Variants in TRAPPC9 observed in about 807,000 individuals in gnomAD.
The protein encoded by TRAPPC9 is IKK2 binding protein.
Under a neutral mutation model 124.0 loss-of-function variants are expected in TRAPPC9, and 83 were observed. The observed-to-expected ratio is 0.67, with a 90% confidence interval of 0.56 to 0.80. The LOEUF (loss-of-function observed/expected upper bound fraction) is 0.80. Among genes scored for constraint, TRAPPC9 ranks in the 30% least tolerant of loss-of-function variants. The pLI, the probability that TRAPPC9 is intolerant of heterozygous loss-of-function variation, is 0.00. For missense variants in TRAPPC9, 1,302 were observed against 1,508.3 expected, an observed-to-expected ratio of 0.86 and a Z score of 2.27; for synonymous variants, 638 against 617.5, an observed-to-expected ratio of 1.03 and a Z score of -0.49.
At chr8:140,142,485 G>C (rs1311020775) in intron 17 of TRAPPC9, among the ~76,000 whole-genome samples, 1 of 152,236 alleles carries the variant, frequency 6.6e-6, no homozygotes, top group Non-Finnish European at 1.5e-5. Context: ...CATGTGCCCT[G>C]CTCACTGGGA....
At chr8:139,922,129 T>C (rs943564669) in intron 19 of TRAPPC9, among the ~76,000 whole-genome samples, 7 of 152,092 alleles carry the variant, frequency 4.6e-5, no homozygotes, top group African/African-American at 1.7e-4. Context: ...CAATCACATA[T>C]GTTAACTCAT....
intron 17 of TRAPPC9, among the ~76,000 whole-genome samples, chr8:140,205,448 T>C (rs1476459214): frequency 6.6e-6 from 1 of 152,218 alleles, no homozygotes; most frequent in Non-Finnish European, 1.5e-5. Flanking sequence ...TAAATCTCAT[T>C]AACACAGAAT....
intron 20 of TRAPPC9, among the ~76,000 whole-genome samples, chr8:139,895,229 C>T (rs1312536180): frequency 2.6e-5 from 4 of 152,128 alleles, no homozygotes; most frequent in African/African-American, 9.7e-5. Flanking sequence ...GTTGACGAGG[C>T]GGGGGGCACA....
intron 17 of TRAPPC9, among the ~76,000 whole-genome samples, chr8:140,138,717 T>C (rs2061341053): frequency 6.6e-6 from 1 of 152,158 alleles, no homozygotes; most frequent in African/African-American, 2.4e-5. Flanking sequence ...AGATACACAA[T>C]AGCAGGAATG....
At position 139,817,370 on chromosome 8, in the gene TRAPPC9, G is replaced by A. The variant is rs73364123; in HGVS notation, c.3055+68509C>T. On this transcript the variant is annotated intron_variant, in intron 21 of 22. Coordinates refer to ENST00000438773, the MANE Select transcript of TRAPPC9 (RefSeq NM_001160372.4). ...GAATCTTAGAATGCTACTTATGGCA[G>A]TTACATCTCAGGAGTTCCTTTTTCC... 6.1e-3 allele frequency among the ~76,000 whole-genome samples: 926 copies of A among 152,348 alleles called. 11 individuals carry two copies. The highest frequency in any genetic ancestry group is 0.022 in the African/African-American group (898 of 41,582).
rs541953457 is a variant in TRAPPC9 at position 140,341,876 on chromosome 8, C to T, written c.1495+18174G>A. Reference sequence around the variant, plus strand: ...ACAGCAGCTAAGTCTCTCTCCCAAGCTAAGGAGGCGGCCTGGGCCAGACTG... The same window carrying T: ...ACAGCAGCTAAGTCTCTCTCCCAAGTTAAGGAGGCGGCCTGGGCCAGACTG... On this transcript the variant is annotated intron_variant, in intron 9 of 22. Coordinates refer to ENST00000438773, the MANE Select transcript of TRAPPC9 (RefSeq NM_001160372.4). Among the ~76,000 whole-genome samples the T allele has an allele frequency of 5.5e-4, 84 of 152,348 alleles. 1 individual carries two copies. Among genetic ancestry groups the T allele is most frequent in the African/African-American group, 2.0e-3 (82 of 41,584 alleles).
In TRAPPC9 at chr8:139,990,918, G is replaced by A. The variant is rs558342013; in HGVS notation, c.2700-2082C>T. On this transcript the variant is annotated intron_variant, in intron 18 of 22. Coordinates refer to ENST00000438773, the MANE Select transcript of TRAPPC9 (RefSeq NM_001160372.4). ...CACCATTTATATCATGTAGCACAGC[G>A]TCAACAGGGTGCCGCACACCTTGAG... 2.3e-4 allele frequency among the ~76,000 whole-genome samples: 35 copies of A among 152,240 alleles called. 1 individual carries two copies. Among genetic ancestry groups the A allele is most frequent in the Admixed American group, 2.0e-3 (31 of 15,276 alleles).
At chr8:140,404,771 CGT>C (rs1363426144) in intron 6 of TRAPPC9, among the ~76,000 whole-genome samples, 7 of 150,594 alleles carry the variant, frequency 4.6e-5, no homozygotes, top group South Asian at 2.1e-4. Flanking sequence ...CATGTGTGTG[CGT>C]GTGTGAGCAT....
intron 21 of TRAPPC9, among the ~76,000 whole-genome samples, chr8:139,867,200 T>C (rs890983529): frequency 1.3e-5 from 2 of 152,218 alleles, no homozygotes; most frequent in Non-Finnish European, 2.9e-5. Context: ...TCAGGGCTTA[T>C]GTTTGAGATG....
chr8:140,325,085 T>G (rs1215621495), intron 9 of TRAPPC9, among the ~76,000 whole-genome samples: 4 of 152,150 alleles, frequency 2.6e-5, no homozygotes, highest in Non-Finnish European at 5.9e-5. Flanking sequence ...ACCTGAAAAG[T>G]AAGCAATGCA....
In TRAPPC9 at chr8:139,807,492, G is replaced by A. The variant is rs1286021108; in HGVS notation, c.3056-75290C>T. On this transcript the variant is annotated intron_variant, in intron 21 of 22. Transcript: ENST00000438773. ...AATAAAACAGAGGACCCTACACGGG[G>A]CGCTTCATAAATGTGCTCTTGCTTA... 3.3e-5 allele frequency among the ~76,000 whole-genome samples: 5 copies of A among 152,128 alleles called. No individual in the cohort carries two copies. The East Asian group carries it at 9.6e-4, about 29-fold the overall frequency.
chr8:140,415,250 A>G (rs1196777899), intron 5 of TRAPPC9, among the ~76,000 whole-genome samples: 1 of 151,826 alleles, frequency 6.6e-6, no homozygotes, highest in African/African-American at 2.4e-5. Context: ...AATTGGAAAA[A>G]AAATACTTTG....
rs771422412 is a variant in TRAPPC9, at chr8:139,867,467, CCA to C, written c.3055+18410_3055+18411del. 1.3e-4 allele frequency among the ~76,000 whole-genome samples: 20 copies of C among 152,236 alleles called. No individual in the cohort carries two copies. The Middle Eastern group carries it at 0.01, about 78-fold the overall frequency. ...ATATCCATGATGAGGAATCGGATAT[CCA>C]CACAGTTTCAAAGCACCTTCCCGCA... On this transcript the variant is annotated intron_variant, in intron 21 of 22. Coordinates refer to ENST00000438773, the MANE Select transcript of TRAPPC9 (RefSeq NM_001160372.4).
At chr8:139,946,824 T>TAAA (rs35184277) in intron 19 of TRAPPC9, among the ~76,000 whole-genome samples, 2 of 147,988 alleles carry the variant, frequency 1.4e-5, no homozygotes, top group African/African-American at 4.9e-5. Context: ...GCTAAAAATT[T>TAAA]AAAAAAAAAA....
At chr8:139,756,251 A>C (rs1236552163) in intron 21 of TRAPPC9, among the ~76,000 whole-genome samples, 3 of 129,464 alleles carry the variant, frequency 2.3e-5, no homozygotes, top group Non-Finnish European at 1.6e-5. Flanking sequence ...GGATGAGGAC[A>C]GCAGGTCGCA....
intron 11 of TRAPPC9, among the ~76,000 whole-genome samples, chr8:140,297,065 C>T (rs4644218): frequency 0.033 from 5,031 of 152,314 alleles, 277 homozygotes; most frequent in African/African-American, 0.11. Context: ...GGCCAGGAAA[C>T]GACGTCCCCA....
intron 17 of TRAPPC9, among the ~76,000 whole-genome samples, chr8:140,126,780 T>G (rs2061105996): frequency 6.6e-6 from 1 of 152,226 alleles, no homozygotes; most frequent in Non-Finnish European, 1.5e-5. Context: ...AGGGAAGCCT[T>G]GAAATCCTGC....
intron 21 of TRAPPC9, among the ~76,000 whole-genome samples, chr8:139,792,480 A>G (rs1822765852): frequency 6.6e-6 from 1 of 152,192 alleles, no homozygotes; most frequent in African/African-American, 2.4e-5. Context: ...TTACATACAC[A>G]GATGCACTTG....
At chr8:139,805,783 T>C (rs1443638861) in intron 21 of TRAPPC9, among the ~76,000 whole-genome samples, 1 of 152,256 alleles carries the variant, frequency 6.6e-6, no homozygotes, top group East Asian at 1.9e-4. Context: ...AGAACAGCTA[T>C]TAAGTATAGA....
Sources: gnomAD v4.1 joint callset for allele counts (sites outside exome capture counted in the v4.1 genomes callset) on GRCh38, gnomAD v4.1.1 for gene constraint, MANE v1.5 for transcripts, NCBI Gene and HGNC (gene_info 2026-07-23, HGNC 2026-07-21) for gene names.